ZMYM4: variants seen among roughly 807,000 people sequenced by gnomAD.
ZMYM4 encodes the protein zinc finger MYM-type containing 4.
Under a neutral mutation model 183.2 loss-of-function variants are expected in ZMYM4, and 31 were observed. That is an observed-to-expected ratio of 0.17 (90% CI 0.13 to 0.23). The LOEUF (loss-of-function observed/expected upper bound fraction) is 0.23. ZMYM4 is among the 10% of genes least tolerant of loss of function. The pLI is 1.00. For synonymous variants in ZMYM4, 592 were observed against 631.2 expected, an observed-to-expected ratio of 0.94 and a Z score of 0.93; for missense variants, 1,273 against 1,840.3, an observed-to-expected ratio of 0.69 and a Z score of 5.64.
chr1:35,269,318 T>C (rs1006004528), intron 1 of ZMYM4, among the ~76,000 whole-genome samples: 1 of 150,370 alleles, frequency 6.7e-6, no homozygotes, highest in Non-Finnish European at 1.5e-5. Flanking sequence ...TTTGCCTTCC[T>C]CCCCCCGACG....
intron 2 of ZMYM4, chr1:35,351,621 C>A: frequency 1.6e-6 from 1 of 631,678 alleles, no homozygotes. Flanking sequence ...AAACAATTTT[C>A]TATGAGGATT....
intron 2 of ZMYM4, among the ~76,000 whole-genome samples, chr1:35,348,685 T>C (rs201217874): frequency 6.6e-6 from 1 of 152,226 alleles, no homozygotes; most frequent in East Asian, 1.9e-4. Context: ...AGAGTGGCTG[T>C]TGAGGAGCAT....
intron 2 of ZMYM4, among the ~76,000 whole-genome samples, chr1:35,330,062 T>C (rs1642671348): frequency 6.6e-6 from 1 of 151,714 alleles, no homozygotes; most frequent in African/African-American, 2.4e-5. Context: ...AAAAAATACA[T>C]AAAATAGTTG....
Position 35,387,537 on chromosome 1 carries a change from T to C in ZMYM4, c.2196T>C (p.Cys732=). 1 of 1,613,904 alleles carries C rather than the reference T, an allele frequency of 6.2e-7. No homozygotes were observed. Among genetic ancestry groups the C allele is most frequent in the Non-Finnish European group, 8.5e-7 (1 of 1,179,924 alleles). Residue 732 remains cysteine, a synonymous_variant, in exon 13 of 30, where the codon TGT becomes TGC. Transcript: ENST00000314607. ...ATGTAATGGCAATGTGTGAATATTG[T>C]AAAATTGAGAAAATTGTAAAGGAGA... ...INNVMAMCEY[C]KIEKIVKETV... is the part of the protein sequence containing the mutation.
chr1:35,272,018 T>G (rs1033455620), intron 1 of ZMYM4, among the ~76,000 whole-genome samples: 23 of 152,186 alleles, frequency 1.5e-4, no homozygotes, highest in Non-Finnish European at 2.9e-4. Flanking sequence ...ATTCATTTTG[T>G]TTTTGATATT....
chr1:35,295,379 A>G (rs573569738), intron 1 of ZMYM4, among the ~76,000 whole-genome samples: 30 of 152,328 alleles, frequency 2.0e-4, no homozygotes, highest in African/African-American at 6.5e-4. Context: ...GTGAACATCA[A>G]AGAGGCAGCA....
intron 7 of ZMYM4, among the ~76,000 whole-genome samples, chr1:35,378,863 C>G (rs1307737250): frequency 6.6e-6 from 1 of 152,226 alleles, no homozygotes; most frequent in Non-Finnish European, 1.5e-5. Context: ...TCAGCACTTG[C>G]TGCTTCACCT....
intron 5 of ZMYM4, among the ~76,000 whole-genome samples, chr1:35,369,456 G>A (rs899642758): frequency 2.6e-5 from 4 of 152,026 alleles, no homozygotes; most frequent in Non-Finnish European, 5.9e-5. Flanking sequence ...GGTATATTTA[G>A]CCATTAGAAG....
At chr1:35,371,291 A>G (rs570996752) in intron 7 of ZMYM4, among the ~76,000 whole-genome samples, 1 of 151,336 alleles carries the variant, frequency 6.6e-6, no homozygotes, top group South Asian at 2.1e-4. Context: ...AATTTTTTCT[A>G]TGTTTTAGTA....
At chr1:35,280,428 A>G (rs1224760031) in intron 1 of ZMYM4, among the ~76,000 whole-genome samples, 1 of 152,180 alleles carries the variant, frequency 6.6e-6, no homozygotes, top group Admixed American at 6.6e-5. Context: ...ATAAGCCATC[A>G]TGCCTGGCCC....
Position 35,407,906 on chromosome 1 carries a change from C to T in ZMYM4, c.3797-102C>T, listed in dbSNP as rs561828140. 49 of 1,455,388 alleles carry T rather than the reference C, an allele frequency of 3.4e-5. No individual in the cohort carries two copies. In the Admixed American group the frequency reaches 5.3e-4, roughly 16 times the overall value. The allele number at this position is 1,455,388 out of a possible 1,614,324, so 90.2% of individuals were successfully genotyped here. A position where few individuals can be genotyped will look rare whatever the true frequency, so the allele number is the denominator to read the frequency against. On this transcript the variant is annotated intron_variant, in intron 25 of 29. Coordinates refer to ENST00000314607, the MANE Select transcript of ZMYM4 (RefSeq NM_005095.3). ...AATCCATATACCCACTAGTCTGCACCGCAGTGCCTGGAGCACAGTAGTGTT... is the reference window on the plus strand; with the variant it reads ...AATCCATATACCCACTAGTCTGCACTGCAGTGCCTGGAGCACAGTAGTGTT...
At chr1:35,404,672 A>G (rs183872822) in intron 23 of ZMYM4, among the ~76,000 whole-genome samples, 349 of 152,242 alleles carry the variant, frequency 2.3e-3, no homozygotes, top group Admixed American at 3.2e-3. Context: ...GGCTTGTTTT[A>G]TAGCACAGAA....
At chr1:35,298,707 C>T (rs565504767) in intron 1 of ZMYM4, among the ~76,000 whole-genome samples, 69 of 152,274 alleles carry the variant, frequency 4.5e-4, no homozygotes, top group African/African-American at 1.6e-3. Flanking sequence ...CCCCTTCCTT[C>T]TAGAGTATTC....
Position 35,398,405 on chromosome 1 carries a change from T to C in ZMYM4, c.3200-8T>C. ...ATAAATTATTTATGTGCTTTTCTTT[T>C]TCTTTAGAGTCCCAAACTTCTGAAC... On this transcript the variant is annotated splice_region_variant and splice_polypyrimidine_tract_variant and intron_variant, in intron 20 of 29. Transcript: ENST00000314607. 1 of 1,607,032 alleles carries C rather than the reference T, an allele frequency of 6.2e-7. No homozygotes were observed. Among genetic ancestry groups the C allele is most frequent in the Non-Finnish European group, 8.5e-7 (1 of 1,177,630 alleles).
At chr1:35,379,205 A>G (rs1358972917) in intron 7 of ZMYM4, among the ~76,000 whole-genome samples, 2 of 152,082 alleles carry the variant, frequency 1.3e-5, no homozygotes, top group South Asian at 2.1e-4. Context: ...GGTTCAAGCA[A>G]TTCTCCTGCC....
chr1:35,410,613 C>T (rs894056133), intron 26 of ZMYM4, among the ~76,000 whole-genome samples: 5 of 151,424 alleles, frequency 3.3e-5, no homozygotes, highest in Admixed American at 6.6e-5. Flanking sequence ...GTCAGCCTCC[C>T]GAGTAGCTGG....
At chr1:35,367,162 A>G (rs182266437) in intron 5 of ZMYM4, among the ~76,000 whole-genome samples, 1 of 151,970 alleles carries the variant, frequency 6.6e-6, no homozygotes, top group South Asian at 2.1e-4. Flanking sequence ...TAAAAAATGG[A>G]TGGAGAGGTT....
At chr1:35,362,472 A>T (rs1643960460) in intron 5 of ZMYM4, among the ~76,000 whole-genome samples, 1 of 152,242 alleles carries the variant, frequency 6.6e-6, no homozygotes, top group Admixed American at 6.5e-5. Context: ...GTTATATCAG[A>T]TGCTGCAATC....
At chr1:35,316,959 T>C (rs962934397) in intron 1 of ZMYM4, among the ~76,000 whole-genome samples, 3 of 150,430 alleles carry the variant, frequency 2.0e-5, no homozygotes, top group African/African-American at 7.4e-5. Flanking sequence ...CTGTCTCTAC[T>C]GAAAATACAA....
Sources: gnomAD v4.1 joint callset for allele counts (sites outside exome capture counted in the v4.1 genomes callset) on GRCh38, gnomAD v4.1.1 for gene constraint, MANE v1.5 for transcripts, NCBI Gene and HGNC (gene_info 2026-07-23, HGNC 2026-07-21) for gene names.